CTBP1: variants seen among roughly 807,000 people sequenced by gnomAD.
CTBP1 encodes C-terminal binding protein 1.
Under a neutral mutation model 42.1 loss-of-function variants are expected in CTBP1, and 11 were observed. The observed-to-expected ratio is 0.26, with a 90% CI of 0.16 to 0.43. The LOEUF (loss-of-function observed/expected upper bound fraction) is 0.43, where lower values mean the gene tolerates loss of function less well. Among genes scored for constraint, CTBP1 ranks in the 20% least tolerant of loss-of-function variants. CTBP1 has a pLI of 1.00. For missense variants in CTBP1, 399 were observed against 624.3 expected (o/e 0.64, Z 3.85); for synonymous variants, 324 against 277.1 (o/e 1.17, Z -1.68).
chr4:1,216,317 G>T, intron 5 of CTBP1, 112 bp from the exon 6 acceptor site: 2 of 1,091,578 alleles, frequency 1.8e-6, no homozygotes, highest in Non-Finnish European at 2.6e-6. Context: ...ATCTGCCAAG[G>T]ATGACACCAG....
chr4:1,226,918 C>A (rs1265460021), intron 4 of CTBP1, among the ~76,000 whole-genome samples: 1 of 152,016 alleles, frequency 6.6e-6, no homozygotes, highest in Non-Finnish European at 1.5e-5. Flanking sequence ...ACAGACGGTT[C>A]CAACTTTGCA....
At chr4:1,246,214 C>T (rs1049835496) in intron 1 of CTBP1, among the ~76,000 whole-genome samples, 1 of 152,132 alleles carries the variant, frequency 6.6e-6, no homozygotes, top group South Asian at 2.1e-4. Flanking sequence ...CAGACACTCC[C>T]GGCACAGAGC....
chr4:1,247,911 C>T (rs1288552580), intron 1 of CTBP1, among the ~76,000 whole-genome samples: 1 of 152,256 alleles, frequency 6.6e-6, no homozygotes, highest in Non-Finnish European at 1.5e-5. Flanking sequence ...CTTTTCCCCA[C>T]TGGAAGGGAA....
At chr4:1,213,400 A>C in intron 8 of CTBP1, 78 bp downstream of exon 8, 1 of 1,587,876 alleles carries the variant, frequency 6.3e-7, no homozygotes, top group Non-Finnish European at 8.5e-7. Flanking sequence ...CCTGGCTGCC[A>C]GGCGGATGCG....
intron 9 of CTBP1, 28 bp downstream of exon 9, chr4:1,212,885 G>C: frequency 6.3e-7 from 1 of 1,589,420 alleles, no homozygotes; most frequent in Non-Finnish European, 8.6e-7. Flanking sequence ...CCTCCTGGAG[G>C]CTGTTCTGGG....
intron 3 of CTBP1, among the ~76,000 whole-genome samples, chr4:1,230,241 T>C (rs1362010758): frequency 6.6e-6 from 1 of 152,132 alleles, no homozygotes. Context: ...AAGGACAGCA[T>C]GGGCAGGCAG....
intron 1 of CTBP1, chr4:1,245,547 G>C: frequency 1.0e-6 from 1 of 983,786 alleles, no homozygotes; most frequent in Non-Finnish European, 1.2e-6. Flanking sequence ...ACGGGCGGCA[G>C]GTCAGGGTGG....
rs947033471 is a variant in CTBP1, at chr4:1,211,929, T to G, written c.*311A>C. 7.5e-6 allele frequency: 2 copies of G among 265,050 alleles called. No individual in the cohort carries two copies. Among genetic ancestry groups the G allele is most frequent in the Non-Finnish European group, 1.4e-5 (2 of 142,266 alleles). The allele number at this position is 265,050 out of a possible 1,614,324, so 16.4% of individuals were successfully genotyped here. ...TTCCAAATGCTCCTTCAGGTTTTCT[T>G]TTTGTTGACAGCTAAGCAAACAGAT... On this transcript the variant is annotated 3_prime_UTR_variant, in exon 10 of 10. Transcript: ENST00000382952.
chr4:1,243,345 C>A (rs1040803583), intron 1 of CTBP1: 2 of 985,398 alleles, frequency 2.0e-6, no homozygotes, highest in South Asian at 9.4e-5. Context: ...AGCTGAGGAA[C>A]CTGTGGCAGG....
chr4:1,242,023 C>T, intron 1 of CTBP1: 1 of 1,000,390 alleles, frequency 1.0e-6, no homozygotes, highest in Non-Finnish European at 1.2e-6. Context: ...TTCCAGCATC[C>T]AGCCTGGCAC....
At chr4:1,234,465 A>G (rs1326158570) in intron 3 of CTBP1, among the ~76,000 whole-genome samples, 1 of 152,030 alleles carries the variant, frequency 6.6e-6, no homozygotes, top group Non-Finnish European at 1.5e-5. Flanking sequence ...CTGTGTATTT[A>G]TGTTGTCCTT....
intron 5 of CTBP1, among the ~76,000 whole-genome samples, chr4:1,220,677 A>G (rs1243913935): frequency 2.0e-5 from 3 of 152,260 alleles, no homozygotes; most frequent in Non-Finnish European, 2.9e-5. Context: ...GGAACAGAAG[A>G]GTCCAGACGG....
chr4:1,248,703 G>GCA (rs1179417995), intron 1 of CTBP1: 32 of 982,204 alleles, frequency 3.3e-5, no homozygotes, highest in Non-Finnish European at 3.7e-5. Context: ...CGGCGCTCGC[G>GCA]CACACGCAGC....
chr4:1,231,322 G>T (rs1033031276), intron 3 of CTBP1, among the ~76,000 whole-genome samples: 1 of 152,234 alleles, frequency 6.6e-6, no homozygotes, highest in African/African-American at 2.4e-5. Flanking sequence ...GGTGGGTGCA[G>T]CCAGGTGTGT....
intron 1 of CTBP1, chr4:1,244,867 G>T (rs1478648698): frequency 1.6e-5 from 16 of 985,350 alleles, no homozygotes; most frequent in South Asian, 4.7e-5. Context: ...GTGCTGCCCA[G>T]CCAGGGGCTG....
chr4:1,212,035 A>G lies in CTBP1; in HGVS notation c.*205T>C. On this transcript the variant is annotated 3_prime_UTR_variant, in exon 10 of 10. Coordinates refer to ENST00000382952, the MANE Select transcript of CTBP1 (RefSeq NM_001012614.2). ...TACTGACTTCTTCTGCTTAACGAGG[A>G]ACGCGAAGGACACAGGGCAGAGCGC... The G allele has an allele frequency of 2.5e-6, 1 of 402,732 alleles. No individual in the cohort carries two copies. Among genetic ancestry groups the G allele is most frequent in the East Asian group, 3.6e-5 (1 of 27,828 alleles). The allele number at this position is 402,732 out of a possible 1,614,324, so 24.9% of individuals were successfully genotyped here.
chr4:1,246,500 A>G (rs1478537618), intron 1 of CTBP1, among the ~76,000 whole-genome samples: 1 of 152,214 alleles, frequency 6.6e-6, no homozygotes, highest in African/African-American at 2.4e-5. Context: ...CACAGGGCAC[A>G]CACCTTTGAC....
At chr4:1,215,329 A>G (rs1728993338) in intron 6 of CTBP1, among the ~76,000 whole-genome samples, 2 of 152,270 alleles carry the variant, frequency 1.3e-5, no homozygotes, top group African/African-American at 2.4e-5. Flanking sequence ...ACACATGCAC[A>G]TACATACAAG....
chr4:1,216,593 G>A (rs547323241), intron 5 of CTBP1: 15 of 314,854 alleles, frequency 4.8e-5, no homozygotes, highest in African/African-American at 1.9e-4. Context: ...CTGGCCTTTC[G>A]ATCCACCCAT....
Sources: gnomAD v4.1 joint callset for allele counts (sites outside exome capture counted in the v4.1 genomes callset) on GRCh38, gnomAD v4.1.1 for gene constraint, MANE v1.5 for transcripts, NCBI Gene and HGNC (gene_info 2026-07-23, HGNC 2026-07-21) for gene names.